ATF3: variants seen among roughly 807,000 people sequenced by gnomAD.
ATF3 encodes the protein cyclic AMP-dependent transcription factor ATF-3.
In ATF3, 10 loss-of-function variants were observed where a neutral mutation model predicts 18.4. That is an observed-to-expected ratio of 0.54 (90% confidence interval 0.34 to 0.92). The LOEUF is 0.92. Among genes scored for constraint, ATF3 ranks in the 40% least tolerant of loss-of-function variants. The probability of loss-of-function intolerance (pLI) is 0.02; values close to 1 mark genes in which losing one functional copy is unlikely to be tolerated. For missense variants in ATF3, 183 were observed against 222.3 expected (o/e 0.82, Z 1.12); for synonymous variants, 78 against 87.9 (o/e 0.89, Z 0.63).
chr1:212,573,191 G>C (rs1464171431), intron 1 of ATF3, among the ~76,000 whole-genome samples: 1 of 151,886 alleles, frequency 6.6e-6, no homozygotes, highest in Non-Finnish European at 1.5e-5. Flanking sequence ...TCTTTGTTTT[G>C]GTCCTGATTT....
At position 212,567,011 on chromosome 1, in the gene ATF3, CCT is replaced by C. The variant is rs372479934; in HGVS notation, c.-5+1529_-5+1530del. Reference sequence around the variant, plus strand: ...TTTATTCTTCACATAAACAGATTAACCTAGGGGTAGCGATTTTACTTAACTCT... The same window carrying C: ...TTTATTCTTCACATAAACAGATTAACAGGGGTAGCGATTTTACTTAACTCT... On this transcript the variant is annotated intron_variant, in intron 1 of 3. Transcript: ENST00000366981. Among the ~76,000 whole-genome samples, 679 of 152,276 alleles carry C rather than the reference CCT, an allele frequency of 4.5e-3. 4 individuals carry two copies. The highest frequency in any genetic ancestry group is 7.2e-3 in the Non-Finnish European group (491 of 68,024).
intron 2 of ATF3, among the ~76,000 whole-genome samples, chr1:212,616,304 C>CT (rs74690153): frequency 2.7e-5 from 4 of 150,056 alleles, no homozygotes; most frequent in Non-Finnish European, 4.5e-5. Flanking sequence ...CACACACACA[C>CT]TTTTTTTTTT....
intron 1 of ATF3, among the ~76,000 whole-genome samples, chr1:212,570,615 G>C (rs1452624221): frequency 2.0e-5 from 3 of 152,118 alleles, no homozygotes; most frequent in Non-Finnish European, 4.4e-5. Flanking sequence ...TTCTCTCCCA[G>C]CTGGTCCTCA....
chr1:212,615,735 T>C (rs1206653972), intron 2 of ATF3, among the ~76,000 whole-genome samples: 1 of 147,662 alleles, frequency 6.8e-6, no homozygotes, highest in Non-Finnish European at 1.5e-5. Context: ...GCCCAGGAGG[T>C]TGAGGCTGCA....
chr1:212,566,922 A>G (rs1472336406), intron 1 of ATF3, among the ~76,000 whole-genome samples: 3 of 152,108 alleles, frequency 2.0e-5, no homozygotes. Flanking sequence ...GACCAGAGTG[A>G]CCTGTCTCGA....
At chr1:212,616,655 G>A (rs1182414959) in intron 2 of ATF3, among the ~76,000 whole-genome samples, 1 of 152,172 alleles carries the variant, frequency 6.6e-6, no homozygotes, top group African/African-American at 2.4e-5. Context: ...GGCAGTAGGG[G>A]TAAGACAGAA....
In ATF3 at chr1:212,615,109, G is replaced by T; in HGVS notation, c.88G>T (p.Val30Leu). 6.2e-7 allele frequency: 1 copy of T among 1,614,184 alleles called. No individual in the cohort carries two copies. Among genetic ancestry groups the T allele is most frequent in the Admixed American group, 1.7e-5 (1 of 60,024 alleles). ...VPCLSPPGSL[V>L]FEDFANLTPF... ...CTGCCTGTCCCCTCCTGGGTCACTG[G>T]TGTTTGAGGATTTTGCTAACCTGAC... The change falls in exon 2 of 4, where the codon GTG becomes TTG. Residue 30 changes from valine to leucine, a missense_variant. Transcript: ENST00000341491.
chr1:212,611,613 T>C (rs1443009382), intron 1 of ATF3, among the ~76,000 whole-genome samples: 1 of 152,150 alleles, frequency 6.6e-6, no homozygotes, highest in East Asian at 1.9e-4. Flanking sequence ...AAGACCAAGA[T>C]ATGAAGAGTT....
At chr1:212,586,409 G>T (rs1474436686) in intron 1 of ATF3, among the ~76,000 whole-genome samples, 1 of 152,202 alleles carries the variant, frequency 6.6e-6, no homozygotes, top group Admixed American at 6.5e-5. Context: ...CTTCCTCTTT[G>T]CTGCTCAAAG....
intron 1 of ATF3, among the ~76,000 whole-genome samples, chr1:212,596,711 AAAG>A (rs1361831103): frequency 6.6e-6 from 1 of 152,248 alleles, no homozygotes; most frequent in African/African-American, 2.4e-5. Flanking sequence ...CAAGGGGGAA[AAAG>A]AAGGTGGCTT....
chr1:212,618,849 A>G lies in ATF3; in HGVS notation c.349-509A>G, dbSNP rs11571552. 29,278 of 677,452 alleles carry G rather than the reference A, an allele frequency of 0.043. 890 individuals are homozygous for G. Among genetic ancestry groups the G allele is most frequent in the Middle Eastern group, 0.096 (283 of 2,948 alleles). The allele number at this position is 677,452 out of a possible 1,614,324, so 42.0% of individuals were successfully genotyped here. A position where few individuals can be genotyped will look rare whatever the true frequency, so the allele number is the denominator to read the frequency against. On this transcript the variant is annotated intron_variant, in intron 3 of 3. Transcript: ENST00000341491. This position sits in a 1 kb window ranked among gnomAD's most constrained non-coding sequence, Gnocchi z 4.4. The stretch of plus-strand genomic sequence containing the variant: ...TTCCAGTGGCTGTGTCCCTCCTCCA[A>G]ATGTGGACAGGCCATGACAGAGTCT...
At chr1:212,566,945 GGAAAGTCACAGATTCCCTAGA>G (rs1360062060) in intron 1 of ATF3, among the ~76,000 whole-genome samples, 1 of 152,098 alleles carries the variant, frequency 6.6e-6, no homozygotes, top group African/African-American at 2.4e-5. Flanking sequence ...CATCTCTGAG[GGAAAGTCACAGATTCCCTAGA>G]GAAAGTCTCC....
rs1655291567 is a variant in ATF3 at position 212,619,738 on chromosome 1, C to G, written c.*183C>G. On this transcript the variant is annotated 3_prime_UTR_variant, in exon 4 of 4. Transcript: ENST00000341491. The surrounding 1 kb of genome is among the most constrained non-coding windows in gnomAD (Gnocchi z 4.4). ...CTTCCCATTCTGCCCCAGAGTGGGT[C>G]TTGGACCAGGGCAAGTGCATCTTTG... The G allele has an allele frequency of 5.4e-6, 4 of 746,070 alleles. No individual in the cohort carries two copies. The South Asian group carries it at 7.1e-5, about 13-fold the overall frequency. 46.2% of individuals were successfully genotyped at this position (746,070 alleles called of 1,614,324 possible). A position where few individuals can be genotyped will look rare whatever the true frequency, so the allele number is the denominator to read the frequency against.
intron 1 of ATF3, among the ~76,000 whole-genome samples, chr1:212,602,757 T>C (rs1268939670): frequency 1.3e-5 from 2 of 152,200 alleles, no homozygotes; most frequent in Non-Finnish European, 2.9e-5. Flanking sequence ...GAATGCTACA[T>C]AGTAACATTT....
At chr1:212,594,928 C>A (rs531354959) in intron 1 of ATF3, among the ~76,000 whole-genome samples, 2 of 152,286 alleles carry the variant, frequency 1.3e-5, no homozygotes, top group East Asian at 3.9e-4. Context: ...GAACTGAATA[C>A]ATGTGCAGGG....
intron 1 of ATF3, among the ~76,000 whole-genome samples, chr1:212,590,694 T>C (rs948740872): frequency 3.3e-5 from 5 of 152,264 alleles, no homozygotes; most frequent in African/African-American, 9.6e-5. Flanking sequence ...GATACTCATT[T>C]TGCAACGGCC....
At chr1:212,567,855 G>T (rs1308400102) in intron 1 of ATF3, among the ~76,000 whole-genome samples, 1 of 152,200 alleles carries the variant, frequency 6.6e-6, no homozygotes, top group Non-Finnish European at 1.5e-5. Context: ...GTGGAGTGCA[G>T]TGTGCCAAGT....
Position 212,620,686 on chromosome 1 carries a change from T to C in ATF3, c.*1131T>C, listed in dbSNP as rs960893255. On this transcript the variant is annotated 3_prime_UTR_variant, in exon 4 of 4. Transcript: ENST00000341491. The stretch of plus-strand genomic sequence containing the variant: ...GTTTAATTGTACTCAATGGTATCAT[T>C]ACAATTTTCTGTAAGAGAAAATATT... 2 of 152,656 alleles carry C rather than the reference T, an allele frequency of 1.3e-5. No individual in the cohort carries two copies. Among genetic ancestry groups the C allele is most frequent in the African/African-American group, 2.4e-5 (1 of 41,454 alleles). The allele number at this position is 152,656 out of a possible 1,614,324, so 9.5% of individuals were successfully genotyped here.
chr1:212,585,776 G>T (rs1263994629), intron 1 of ATF3, among the ~76,000 whole-genome samples: 7 of 150,748 alleles, frequency 4.6e-5, no homozygotes, highest in Non-Finnish European at 1.5e-5. Context: ...ATTCTTCCTG[G>T]AGGGGTCTCA....
Sources: gnomAD v4.1 joint callset for allele counts (sites outside exome capture counted in the v4.1 genomes callset) on GRCh38, gnomAD v4.1.1 for gene constraint, Gnocchi (gnomAD v3.1) non-coding constraint, MANE v1.5 for transcripts, NCBI Gene and HGNC (gene_info 2026-07-23, HGNC 2026-07-21) for gene names.